The following USH2A variants were observed in gnomAD, a reference collection of about 807,000 sequenced individuals.
USH2A encodes the protein usherin, also known as Usher syndrome 2A (autosomal recessive, mild).
Under a neutral mutation model 538.9 loss-of-function variants are expected in USH2A, and 443 were observed. The ratio of observed to expected loss-of-function variants is 0.82; its 90% CI spans 0.76 to 0.89. USH2A has a LOEUF of 0.89. Among genes scored for constraint, USH2A ranks in the 40% least tolerant of loss-of-function variants. The pLI is 0.00. For synonymous variants in USH2A, 2,413 were observed against 2,273.5 expected (o/e 1.06, Z -1.75); for missense variants, 6,633 against 6,324.8 (o/e 1.05, Z -1.65).
At chr1:216,202,943 C>T (rs1383724938) in intron 16 of USH2A, among the ~76,000 whole-genome samples, 1 of 152,106 alleles carries the variant, frequency 6.6e-6, no homozygotes, top group East Asian at 1.9e-4. Flanking sequence ...TTTATATATT[C>T]TATTGTTACT....
At chr1:215,940,586 CTTAAG>C (rs1036892782) in intron 37 of USH2A, among the ~76,000 whole-genome samples, 1 of 151,916 alleles carries the variant, frequency 6.6e-6, no homozygotes, top group African/African-American at 2.4e-5. Context: ...TATTCCTGGC[CTTAAG>C]TTTTTGACAA....
intron 4 of USH2A, among the ~76,000 whole-genome samples, chr1:216,351,293 T>C (rs1403503572): frequency 6.6e-6 from 1 of 152,098 alleles, no homozygotes; most frequent in Non-Finnish European, 1.5e-5. Flanking sequence ...GGAGGTGGTG[T>C]TTGCAGATGT....
intron 3 of USH2A, among the ~76,000 whole-genome samples, chr1:216,410,815 T>C (rs559843836): frequency 3.9e-5 from 6 of 152,264 alleles, no homozygotes; most frequent in African/African-American, 1.4e-4. Context: ...AGCCCTTTAA[T>C]TTAATTCTTA....
chr1:216,319,026 C>T (rs2037559049), intron 9 of USH2A, among the ~76,000 whole-genome samples: 1 of 152,164 alleles, frequency 6.6e-6, no homozygotes, highest in South Asian at 2.1e-4. Context: ...GACTAGTCAA[C>T]AGAAAGCAAG....
At chr1:216,138,465 T>G (rs962152748) in intron 21 of USH2A, among the ~76,000 whole-genome samples, 1 of 152,212 alleles carries the variant, frequency 6.6e-6, no homozygotes, top group East Asian at 1.9e-4. Context: ...TCATGGGTGA[T>G]AAGCTTCAAT....
At chr1:216,121,654 A>G (rs931201990) in intron 21 of USH2A, among the ~76,000 whole-genome samples, 1 of 152,336 alleles carries the variant, frequency 6.6e-6, no homozygotes, top group African/African-American at 2.4e-5. Context: ...TACAAATTAC[A>G]GAATTAAAGA....
In USH2A at chr1:215,671,149, A is replaced by C; in HGVS notation, c.13956T>G (p.Thr4652=). ...GCGGTCCTGTCCACAAAAGAGAAAC[A>C]GTTGGCTGGAATCCTCCTGGAGCCA... The part of the protein sequence containing the change: ...VQMAPGGFQP[T]VSLLWTGPLQ... The change falls in exon 64 of 72, where the codon ACT becomes ACG. Residue 4652 remains threonine (T), a synonymous_variant. Coordinates refer to ENST00000307340, the MANE Select transcript of USH2A (RefSeq NM_206933.4). The C allele has an allele frequency of 1.2e-6, 2 of 1,614,136 alleles. No homozygotes were observed. Among genetic ancestry groups the C allele is most frequent in the Non-Finnish European group, 8.5e-7 (1 of 1,180,024 alleles).
chr1:216,197,371 C>T (rs561666742), intron 18 of USH2A, among the ~76,000 whole-genome samples: 3 of 152,118 alleles, frequency 2.0e-5, no homozygotes, highest in African/African-American at 7.2e-5. Context: ...TAGCTAGTGA[C>T]CCATAAGATT....
intron 13 of USH2A, 37 bp downstream of exon 13, chr1:216,246,548 C>T: frequency 6.2e-7 from 1 of 1,613,748 alleles, no homozygotes; most frequent in East Asian, 2.2e-5. Context: ...AAAGGAATGT[C>T]ATTGTGCACT....
rs567367531 is a variant in USH2A, at chr1:216,218,030, T to C, written c.2994-480A>G. On this transcript the variant is annotated intron_variant, in intron 14 of 71. Transcript: ENST00000307340. ...TCTCCCTAAAAATCTTAAAATTCTA[T>C]AGTTAGTTCGATGAAGACTAAATTT... is the stretch of plus-strand genomic sequence containing the variant. Among the ~76,000 whole-genome samples, 6 of 152,206 alleles carry C rather than the reference T, an allele frequency of 3.9e-5. No individual in the cohort carries two copies. The East Asian group carries it at 9.7e-4, about 25-fold the overall frequency.
chr1:216,351,264 A>C (rs1249740471), intron 4 of USH2A, among the ~76,000 whole-genome samples: 1 of 152,220 alleles, frequency 6.6e-6, no homozygotes, highest in East Asian at 1.9e-4. Context: ...ATAGAGCAAC[A>C]TAATGAGACC....
Position 215,877,856 on chromosome 1 carries a change from G to C in USH2A, c.8583C>G (p.Ile2861Met). 6.2e-7 allele frequency: 1 copy of C among 1,613,748 alleles called. No individual in the cohort carries two copies. Among genetic ancestry groups the C allele is most frequent in the African/African-American group, 1.3e-5 (1 of 75,024 alleles). The change falls in exon 43 of 72, where the codon ATC becomes ATG. Residue 2861 changes from isoleucine to methionine, a missense_variant. Physicochemically the swap from Ile to Met is conservative, Grantham distance 10 (BLOSUM62 1). Coordinates refer to ENST00000307340, the MANE Select transcript of USH2A (RefSeq NM_206933.4). ...GGGGATTTGATGCAAGTGGCTGCTG[G>C]ATTTTACGTCTCAGAAGCTCATATC... ...NLRYELLRRK[I>M]QQPLASNPPE...
intron 64 of USH2A, among the ~76,000 whole-genome samples, chr1:215,658,072 C>G (rs1427890587): frequency 6.6e-6 from 1 of 151,632 alleles, no homozygotes; most frequent in East Asian, 2.0e-4. Context: ...TAGCCTGGGA[C>G]TACAGGCGCA....
Position 215,995,972 on chromosome 1 carries a change from C to T in USH2A, c.6658-2805G>A, listed in dbSNP as rs573823331. On this transcript the variant is annotated intron_variant, in intron 34 of 71. Coordinates refer to ENST00000307340, the MANE Select transcript of USH2A (RefSeq NM_206933.4). ...TATTGCCCAGGCTGGAGTGCAGTGG[C>T]AGATCTCAGATCACTGCAACCTCTG... 3.3e-5 allele frequency among the ~76,000 whole-genome samples: 5 copies of T among 151,986 alleles called. No individual in the cohort carries two copies. The East Asian group carries it at 9.6e-4, about 29-fold the overall frequency.
At chr1:215,671,371 T>A in intron 63 of USH2A, 78 bp from the exon 64 acceptor site, 1 of 1,406,044 alleles carries the variant, frequency 7.1e-7, no homozygotes. Flanking sequence ...ACACCAGGCC[T>A]TAAAAAAAAA....
chr1:216,047,749 T>G (rs1354659886), intron 31 of USH2A, among the ~76,000 whole-genome samples: 1 of 152,180 alleles, frequency 6.6e-6, no homozygotes, highest in Non-Finnish European at 1.5e-5. Flanking sequence ...ATCAAGCGTT[T>G]AAATCTCCTA....
chr1:216,101,785 T>A (rs1571961748), intron 21 of USH2A, among the ~76,000 whole-genome samples: 1 of 152,202 alleles, frequency 6.6e-6, no homozygotes, highest in Admixed American at 6.5e-5. Context: ...ATTTCATGCA[T>A]CTCTATATTC....
Position 216,024,679 on chromosome 1 carries a change from A to G in USH2A, c.6325+21752T>C, listed in dbSNP as rs140976167. Among the ~76,000 whole-genome samples, 1,404 of 152,126 alleles carry G rather than the reference A, an allele frequency of 9.2e-3. 12 individuals are homozygous for G. Among genetic ancestry groups the G allele is most frequent in the Non-Finnish European group, 0.013 (851 of 67,880 alleles). On this transcript the variant is annotated intron_variant, in intron 32 of 71. Coordinates refer to ENST00000307340, the MANE Select transcript of USH2A (RefSeq NM_206933.4). The stretch of plus-strand genomic sequence containing the variant: ...TGTCATTCCTTCATTTATTAATTCC[A>G]TAAGTATTTGTTGGACAGCTACTTT...
chr1:215,929,441 T>C (rs769100101), intron 38 of USH2A, among the ~76,000 whole-genome samples: 1 of 152,042 alleles, frequency 6.6e-6, no homozygotes, highest in Non-Finnish European at 1.5e-5. Context: ...GCAGGGTTAC[T>C]GGCCTGGCCA....
Sources: allele counts gnomAD v4.1 joint callset (sites outside exome capture counted in the v4.1 genomes callset), GRCh38; gene constraint gnomAD v4.1.1; transcripts MANE v1.5; gene names NCBI Gene and HGNC (gene_info 2026-07-23, HGNC 2026-07-21).